SLC39A10: variants seen among roughly 807,000 people sequenced by gnomAD.
SLC39A10 encodes the protein zinc transporter ZIP10.
Under a neutral mutation model 65.1 loss-of-function variants are expected in SLC39A10, and 13 were observed. The observed-to-expected ratio is 0.20, with a 90% CI of 0.13 to 0.32. The LOEUF is 0.32. SLC39A10 is among the 10% of genes least tolerant of loss of function. The probability of loss-of-function intolerance (pLI) is 1.00; values close to 1 mark genes in which losing one functional copy is unlikely to be tolerated. For missense variants in SLC39A10, 831 were observed against 1,018.4 expected, an observed-to-expected ratio of 0.82 and a Z score of 2.50; for synonymous variants, 321 against 342.2, an observed-to-expected ratio of 0.94 and a Z score of 0.68.
In SLC39A10 at chr2:195,735,373, G is replaced by C. The variant is rs1166835346; in HGVS notation, c.*332G>C. The C allele has an allele frequency of 5.7e-6, 1 of 176,058 alleles. No individual in the cohort carries two copies. Among genetic ancestry groups the C allele is most frequent in the South Asian group, 2.0e-4 (1 of 5,068 alleles). 10.9% of individuals were successfully genotyped at this position (176,058 alleles called of 1,614,324 possible). On this transcript the variant is annotated 3_prime_UTR_variant, in exon 10 of 10. Coordinates refer to ENST00000359634, the MANE Select transcript of SLC39A10 (RefSeq NM_020342.3). ...AAACTTCTGTGGCTATGCAGAAATAGAGATCGAACCAAAAAAAATCATTTA... is the reference window on the plus strand; with the variant it reads ...AAACTTCTGTGGCTATGCAGAAATACAGATCGAACCAAAAAAAATCATTTA...
At chr2:195,639,046 C>T (rs1191578551) in intron 2 of SLC39A10, among the ~76,000 whole-genome samples, 1 of 151,708 alleles carries the variant, frequency 6.6e-6, no homozygotes, top group Admixed American at 6.6e-5. Context: ...ACCTCTAACT[C>T]CTGGGCTCAA....
intron 1 of SLC39A10, among the ~76,000 whole-genome samples, chr2:195,672,515 A>T (rs1559026213): frequency 1.3e-5 from 2 of 152,080 alleles, no homozygotes; most frequent in East Asian, 1.9e-4. Flanking sequence ...TTTAATAAAT[A>T]AAAAAAAGCA....
At chr2:195,668,378 TAA>T in intron 1 of SLC39A10, among the ~76,000 whole-genome samples, 1 of 152,268 alleles carries the variant, frequency 6.6e-6, no homozygotes, top group East Asian at 1.9e-4. Flanking sequence ...ATTTTCACAT[TAA>T]GTTTACTTAA....
At chr2:195,642,258 T>G (rs1366823542) in intron 2 of SLC39A10, among the ~76,000 whole-genome samples, 2 of 151,988 alleles carry the variant, frequency 1.3e-5, no homozygotes, top group African/African-American at 4.8e-5. Flanking sequence ...TTGGGTGTGG[T>G]GAGAAGTAGA....
chr2:195,657,171 G>A (rs1192790745), upstream of SLC39A10: 3 of 160,384 alleles, frequency 1.9e-5, no homozygotes, highest in Non-Finnish European at 4.0e-5. Context: ...TGTCAGACGC[G>A]CCGGTTTCTG....
At chr2:195,679,235 G>A (rs1440311229) in intron 1 of SLC39A10, among the ~76,000 whole-genome samples, 1 of 100,438 alleles carries the variant, frequency 1.0e-5, no homozygotes, top group Non-Finnish European at 2.3e-5. Flanking sequence ...ATTAGCAATT[G>A]ATTTTTGTAA....
intron 2 of SLC39A10, among the ~76,000 whole-genome samples, chr2:195,619,060 T>C (rs1189088946): frequency 8.2e-6 from 1 of 122,568 alleles, no homozygotes; most frequent in African/African-American, 3.3e-5. Context: ...ACCATTGCAC[T>C]CCAGCCTGGG....
chr2:195,675,978 T>G (rs563611107), intron 1 of SLC39A10, among the ~76,000 whole-genome samples: 181 of 152,064 alleles, frequency 1.2e-3, no homozygotes, highest in Non-Finnish European at 2.1e-3. Context: ...GAGCCTTATC[T>G]AGATTTGAAT....
chr2:195,657,693 C>T lies in SLC39A10; in HGVS notation c.-12+412C>T, dbSNP rs570787296. 1.8e-4 allele frequency: 174 copies of T among 945,442 alleles called. No individual in the cohort carries two copies. In the African/African-American group the frequency reaches 2.9e-3, roughly 16 times the overall value. 58.6% of individuals were successfully genotyped at this position (945,442 alleles called of 1,614,324 possible). A position where few individuals can be genotyped will look rare whatever the true frequency, so the allele number is the denominator to read the frequency against. ...GGCGGTTAGGGGGCTGCGCGCCGGCCGCGGATGGCGTCGCAGGCGCGGGCG... is the reference window on the plus strand; with the variant it reads ...GGCGGTTAGGGGGCTGCGCGCCGGCTGCGGATGGCGTCGCAGGCGCGGGCG... On this transcript the variant is annotated intron_variant, in intron 1 of 9. Transcript: ENST00000359634.
chr2:195,701,176 C>T (rs895552199), intron 3 of SLC39A10, among the ~76,000 whole-genome samples: 2 of 151,952 alleles, frequency 1.3e-5, no homozygotes, highest in Admixed American at 1.3e-4. Flanking sequence ...TTTTCAAGTC[C>T]ACTGATACTT....
chr2:195,670,547 A>G (rs1039894933), intron 1 of SLC39A10: 14 of 152,308 alleles, frequency 9.2e-5, no homozygotes, highest in Admixed American at 3.9e-4. Context: ...TTGTTAAGCA[A>G]TATCTTTTTA....
intron 2 of SLC39A10, among the ~76,000 whole-genome samples, chr2:195,650,938 G>T (rs1293377741): frequency 1.1e-5 from 1 of 91,412 alleles, no homozygotes; most frequent in Non-Finnish European, 2.9e-5. Flanking sequence ...AAAAATCCCA[G>T]CTACTGTGGG....
intron 3 of SLC39A10, among the ~76,000 whole-genome samples, chr2:195,690,393 A>G (rs1249572987): frequency 6.6e-6 from 1 of 151,966 alleles, no homozygotes; most frequent in Non-Finnish European, 1.5e-5. Context: ...TTGGTTATAT[A>G]CCCAGAAGTG....
At chr2:195,657,521 G>A in intron 1 of SLC39A10, 1 of 985,480 alleles carries the variant, frequency 1.0e-6, no homozygotes. Flanking sequence ...CCTCGTGTGC[G>A]GTCTGGGCTG....
intron 4 of SLC39A10, among the ~76,000 whole-genome samples, chr2:195,707,179 G>A (rs1490131847): frequency 6.6e-6 from 1 of 152,070 alleles, no homozygotes; most frequent in South Asian, 2.1e-4. Context: ...CACTCAGTGC[G>A]CTGTTTTACA....
chr2:195,708,072 CAG>C (rs1281844724), intron 4 of SLC39A10, among the ~76,000 whole-genome samples: 1 of 152,022 alleles, frequency 6.6e-6, no homozygotes, highest in Non-Finnish European at 1.5e-5. Flanking sequence ...ACAGTATATG[CAG>C]AGATAGCGAC....
intron 2 of SLC39A10, among the ~76,000 whole-genome samples, chr2:195,613,292 G>T (rs1048996913): frequency 3.9e-5 from 6 of 152,012 alleles, no homozygotes; most frequent in Admixed American, 2.6e-4. Context: ...CTCAAAAGGA[G>T]AATTTTTTTT....
At chr2:195,666,634 A>C (rs1346652592) in intron 1 of SLC39A10, among the ~76,000 whole-genome samples, 1 of 152,116 alleles carries the variant, frequency 6.6e-6, no homozygotes, top group Non-Finnish European at 1.5e-5. Flanking sequence ...AATTTTTAAA[A>C]CATTTTCTGT....
At chr2:195,679,450 C>T (rs1690220743) in intron 1 of SLC39A10, among the ~76,000 whole-genome samples, 1 of 152,174 alleles carries the variant, frequency 6.6e-6, no homozygotes, top group Non-Finnish European at 1.5e-5. Context: ...TCAAGGAATA[C>T]ATCTTAGCCG....
Sources: gnomAD v4.1 joint callset for allele counts (sites outside exome capture counted in the v4.1 genomes callset) on GRCh38, gnomAD v4.1.1 for gene constraint, MANE v1.5 for transcripts, NCBI Gene and HGNC (gene_info 2026-07-23, HGNC 2026-07-21) for gene names.